The following DDOST variants were observed in gnomAD, a reference collection of about 807,000 sequenced individuals.
DDOST encodes dolichyl-diphosphooligosaccharide--protein glycosyltransferase 48 kDa subunit.
DDOST carries 25 observed loss-of-function variants against 47.6 expected under a neutral mutation model. The observed-to-expected ratio is 0.53, with a 90% CI of 0.38 to 0.73. The LOEUF is 0.73. Among genes scored for constraint, DDOST ranks in the 30% least tolerant of loss-of-function variants. DDOST has a pLI of 0.00. For missense variants in DDOST, 526 were observed against 573.9 expected (o/e 0.92, Z 0.85); for synonymous variants, 275 against 236.0 (o/e 1.17, Z -1.51).
chr1:20,653,860 G>A, intron 7 of DDOST, 86 bp from the exon 8 acceptor site: 1 of 1,491,152 alleles, frequency 6.7e-7, no homozygotes, highest in Non-Finnish European at 9.1e-7. Flanking sequence ...TGTCCACCAT[G>A]ACAGTACCCT....
chr1:20,656,112 C>T lies in DDOST; in HGVS notation c.341G>A (p.Ser114Asn), dbSNP rs766378828. The change falls in exon 3 of 11, where the codon AGC becomes AAC. Residue 114 changes from serine (S) to asparagine (N), a missense_variant. Ser to Asn is a conservative substitution (Grantham distance 46, BLOSUM62 1). Coordinates refer to ENST00000602624, the MANE Select transcript of DDOST (RefSeq NM_005216.5). ...CAGGTCGGACTCACCAATGTCGGAG[C>T]TGGCAGCTACCAGCACACTGCCTCC... ...DGGGSVLVAASSDIGDPLREL... is the reference protein window; with the variant it reads ...DGGGSVLVAANSDIGDPLREL... 2.5e-6 allele frequency: 4 copies of T among 1,613,828 alleles called. No homozygotes were observed. The highest frequency in any genetic ancestry group is 1.3e-5 in the African/African-American group (1 of 75,060).
At chr1:20,659,411 A>T (rs1048386265) in intron 2 of DDOST, among the ~76,000 whole-genome samples, 2 of 152,100 alleles carry the variant, frequency 1.3e-5, no homozygotes, top group African/African-American at 4.8e-5. Flanking sequence ...TTCATCTTAC[A>T]TCCTGACACA....
In DDOST at chr1:20,654,388, G is replaced by A; in HGVS notation, c.646-17C>T. ...ATGTGGATACTGGGAACAAAACGAG[G>A]CTGTGACCCAAGCAGTTCCAAGTAA... is the stretch of plus-strand genomic sequence containing the variant. On this transcript the variant is annotated splice_polypyrimidine_tract_variant and intron_variant, in intron 6 of 10. Transcript: ENST00000602624. The A allele has an allele frequency of 6.4e-7, 1 of 1,555,392 alleles. No individual in the cohort carries two copies. The highest frequency in any genetic ancestry group is 8.7e-7 in the Non-Finnish European group (1 of 1,148,608).
At chr1:20,654,492 C>G (rs2053343308) in intron 6 of DDOST, 121 bp from the exon 7 acceptor site, 1 of 1,391,958 alleles carries the variant, frequency 7.2e-7, no homozygotes, top group Non-Finnish European at 9.9e-7. Context: ...GAAGGGGGAG[C>G]CTGAGACCAC....
intron 2 of DDOST, among the ~76,000 whole-genome samples, chr1:20,656,628 C>A (rs894849810): frequency 6.6e-6 from 1 of 152,226 alleles, no homozygotes; most frequent in Non-Finnish European, 1.5e-5. Context: ...AGGAAGAGCA[C>A]TTCTGCATCT....
At position 20,661,318 on chromosome 1, in the gene DDOST, G is replaced by A. The variant is rs772868932; in HGVS notation, c.33C>T (p.Ala11=). The A allele has an allele frequency of 6.2e-7, 1 of 1,613,766 alleles. No homozygotes were observed. Among genetic ancestry groups the A allele is most frequent in the Non-Finnish European group, 8.5e-7 (1 of 1,180,000 alleles). The change falls in exon 1 of 11, where the codon GCC becomes GCT. Residue 11 remains alanine (A), a synonymous_variant. Transcript: ENST00000602624. The part of the protein sequence containing the change: MEPSTAARAW[A]LFWLLLPLLG... ...GCAAGGGCAGCAGCAACCAAAAGAG[G>A]GCCCAAGCCCGGGCCGCGGTGCTGG...
In DDOST at chr1:20,653,613, C is replaced by CA. The variant is rs750526667; in HGVS notation, c.942+13dup. On this transcript the variant is annotated intron_variant, in intron 8 of 10. Transcript: ENST00000602624. Reference sequence around the variant, plus strand: ...GCAAACCCTTTGGGCCCTCCCACCCCAAACATCTCTTACCACTAGGTCAGT... The same window carrying CA: ...GCAAACCCTTTGGGCCCTCCCACCCCAAAACATCTCTTACCACTAGGTCAGT... 141 of 1,571,804 alleles carry CA rather than the reference C, an allele frequency of 9.0e-5. No homozygotes were observed. The East Asian group carries it at 3.2e-3, about 35-fold the overall frequency.
chr1:20,652,342 C>T lies in DDOST; in HGVS notation c.*37G>A, dbSNP rs1309272331. 1.9e-6 allele frequency: 3 copies of T among 1,542,044 alleles called. No homozygotes were observed. Among genetic ancestry groups the T allele is most frequent in the East Asian group, 2.3e-5 (1 of 43,464 alleles). On this transcript the variant is annotated 3_prime_UTR_variant, in exon 11 of 11. Coordinates refer to ENST00000602624, the MANE Select transcript of DDOST (RefSeq NM_005216.5). ...CCAATCCTAATAACCCCCCTCCTTG[C>T]CCCGTCTCCACGCTGTGCGGAGAGG...
chr1:20,656,044 T>C, intron 3 of DDOST, 57 bp downstream of exon 3: 4 of 1,446,680 alleles, frequency 2.8e-6, no homozygotes, highest in Non-Finnish European at 1.9e-6. Context: ...CTGTTTGTAA[T>C]GCTCTCCAAC....
intron 7 of DDOST, among the ~76,000 whole-genome samples, 188 bp downstream of exon 7, chr1:20,654,035 A>T (rs375535396): frequency 1.3e-5 from 2 of 152,334 alleles, no homozygotes; most frequent in East Asian, 3.9e-4. Context: ...AGTCACTACT[A>T]CCTTAAAAAA....
intron 7 of DDOST, 60 bp downstream of exon 7, chr1:20,654,163 T>G (rs560968665): frequency 6.5e-7 from 1 of 1,529,316 alleles, no homozygotes; most frequent in South Asian, 1.2e-5. Context: ...TTCTGAGTCC[T>G]CCCCATATAC....
intron 8 of DDOST, 122 bp from the exon 9 acceptor site, chr1:20,653,093 G>T: frequency 7.9e-7 from 1 of 1,261,120 alleles, no homozygotes; most frequent in Non-Finnish European, 1.1e-6. Flanking sequence ...GAGTTCAGAA[G>T]ACCTGCAGAT....
At chr1:20,657,164 G>GACT (rs1459511316) in intron 2 of DDOST, among the ~76,000 whole-genome samples, 1 of 152,192 alleles carries the variant, frequency 6.6e-6, no homozygotes, top group East Asian at 1.9e-4. Flanking sequence ...CCCCGAGGGG[G>GACT]GTGGGCACGG....
At position 20,654,486 on chromosome 1, in the gene DDOST, G is replaced by A; in HGVS notation, c.646-115C>T. ...AAAACGACCCTGGCCCTACCTGAAG[G>A]GGGAGCCTGAGACCACACCGCTTCT... is the stretch of plus-strand genomic sequence containing the variant. On this transcript the variant is annotated intron_variant, in intron 6 of 10. Transcript: ENST00000602624. The A allele has an allele frequency of 2.8e-6, 4 of 1,418,728 alleles. No individual in the cohort carries two copies. The African/African-American group carries it at 5.7e-5, about 20-fold the overall frequency. 87.9% of individuals were successfully genotyped at this position (1,418,728 alleles called of 1,614,324 possible). A position where few individuals can be genotyped will look rare whatever the true frequency, so the allele number is the denominator to read the frequency against.
chr1:20,656,079 G>A (rs2053368896), intron 3 of DDOST, 22 bp downstream of exon 3: 1 of 1,600,306 alleles, frequency 6.2e-7, no homozygotes, highest in African/African-American at 1.3e-5. Flanking sequence ...GAAAGCACCA[G>A]AACCTCCCAG....
intron 9 of DDOST, 37 bp downstream of exon 9, chr1:20,652,814 G>GC: frequency 6.2e-7 from 1 of 1,613,554 alleles, no homozygotes; most frequent in Non-Finnish European, 8.5e-7. Flanking sequence ...GCCTGGGGCC[G>GC]TTTCTGGCAG....
intron 6 of DDOST, 72 bp from the exon 7 acceptor site, chr1:20,654,443 A>C: frequency 6.6e-7 from 1 of 1,519,570 alleles, no homozygotes; most frequent in Non-Finnish European, 8.9e-7. Context: ...CCCGAACAAG[A>C]GGACAGCAGG....
chr1:20,655,228 C>T (rs568230031), intron 5 of DDOST, among the ~76,000 whole-genome samples: 1 of 146,982 alleles, frequency 6.8e-6, no homozygotes, highest in Non-Finnish European at 1.5e-5. Context: ...CCAGGCTGCT[C>T]TCAAACTCCT....
intron 8 of DDOST, 35 bp downstream of exon 8, chr1:20,653,592 A>G: frequency 1.3e-6 from 2 of 1,541,124 alleles, no homozygotes; most frequent in Non-Finnish European, 1.8e-6. Context: ...AGCTTGGCAA[A>G]CCCTTTGGGC....
Sources: allele counts gnomAD v4.1 joint callset (sites outside exome capture counted in the v4.1 genomes callset), GRCh38; gene constraint gnomAD v4.1.1; transcripts MANE v1.5; gene names NCBI Gene and HGNC (gene_info 2026-07-23, HGNC 2026-07-21).